EXOC6B: variants seen among roughly 807,000 people sequenced by gnomAD.
The protein encoded by EXOC6B is exocyst complex component 6B.
EXOC6B carries 54 observed loss-of-function variants against 113.5 expected under a neutral mutation model. The observed-to-expected ratio is 0.48, with a 90% confidence interval of 0.38 to 0.60. The LOEUF is 0.60. Ranked by LOEUF, EXOC6B falls within the 20% of genes least tolerant of loss-of-function variation. The probability of loss-of-function intolerance (pLI) is 0.00; values close to 1 mark genes in which losing one functional copy is unlikely to be tolerated. For missense variants in EXOC6B, 797 were observed against 977.5 expected, an observed-to-expected ratio of 0.82 and a Z score of 2.46; for synonymous variants, 357 against 339.0, an observed-to-expected ratio of 1.05 and a Z score of -0.58.
chr2:72,248,815 T>C lies in EXOC6B; in HGVS notation c.2197-64628A>G, dbSNP rs115441052. 4.6e-3 allele frequency among the ~76,000 whole-genome samples: 699 copies of C among 152,090 alleles called. 7 individuals carry two copies. The highest frequency in any genetic ancestry group is 0.016 in the African/African-American group (647 of 41,496). On this transcript the variant is annotated intron_variant, in intron 20 of 21. Transcript: ENST00000272427. ...AATATAAGACAAAACAGAAAAAGAA[T>C]AGATTAGAAAAATAGGAAAGAAAAA...
At chr2:72,470,461 G>C (rs1274856907) in intron 17 of EXOC6B, among the ~76,000 whole-genome samples, 1 of 151,760 alleles carries the variant, frequency 6.6e-6, no homozygotes, top group African/African-American at 2.4e-5. Flanking sequence ...TTGTTTTTCA[G>C]CTCTAAGAGT....
At chr2:72,815,019 T>C (rs1417333225) in intron 1 of EXOC6B, among the ~76,000 whole-genome samples, 1 of 152,130 alleles carries the variant, frequency 6.6e-6, no homozygotes, top group Non-Finnish European at 1.5e-5. Flanking sequence ...AAAATGGCTT[T>C]GTTTACTGAT....
chr2:72,825,901 C>G lies in EXOC6B; in HGVS notation c.10G>C (p.Gly4Arg). 1 of 1,612,962 alleles carries G rather than the reference C, an allele frequency of 6.2e-7. No homozygotes were observed. The highest frequency in any genetic ancestry group is 1.7e-5 in the Admixed American group (1 of 60,028). Reference protein sequence around the residue: MERGKMAEAESLET... With the variant: MERRKMAEAESLET... ...AGGCTCTCCGCCTCCGCCATCTTAC[C>G]CCGCTCCATAGACTGGGGGCGCCCC... Residue 4 changes from glycine to arginine, a missense_variant, in exon 1 of 22, where the codon GGT becomes CGT. Transcript: ENST00000272427. This position sits in a 1 kb window ranked among gnomAD's most constrained non-coding sequence, Gnocchi z 4.4.
chr2:72,233,830 GGT>G lies in EXOC6B; in HGVS notation c.2197-49645_2197-49644del, dbSNP rs1553469553. ...TGTCCCAAGAAGCACCCTACGGCAG[GGT>G]GTGTGCCCCTACCTACCCCCACCAC... On this transcript the variant is annotated intron_variant, in intron 20 of 21. Transcript: ENST00000272427. Among the ~76,000 whole-genome samples the G allele has an allele frequency of 2.0e-5, 3 of 152,274 alleles. No homozygotes were observed. The East Asian group carries it at 5.8e-4, about 30-fold the overall frequency.
intron 16 of EXOC6B, among the ~76,000 whole-genome samples, chr2:72,487,614 C>T (rs1183440931): frequency 1.3e-5 from 2 of 152,242 alleles, no homozygotes; most frequent in Non-Finnish European, 2.9e-5. Context: ...CCGCCTCAGC[C>T]TCCCAAAGTG....
chr2:72,392,563 A>G (rs1256246141), intron 18 of EXOC6B, among the ~76,000 whole-genome samples: 1 of 152,224 alleles, frequency 6.6e-6, no homozygotes, highest in African/African-American at 2.4e-5. Context: ...GGATCAGCTC[A>G]TGATCTGCTT....
chr2:72,534,077 A>C (rs1489185367), intron 8 of EXOC6B, among the ~76,000 whole-genome samples: 1 of 152,184 alleles, frequency 6.6e-6, no homozygotes, highest in African/African-American at 2.4e-5. Context: ...AGTGAGACTC[A>C]ATGAGATAAA....
At chr2:72,636,664 T>C (rs1329046734) in intron 6 of EXOC6B, among the ~76,000 whole-genome samples, 1 of 152,192 alleles carries the variant, frequency 6.6e-6, no homozygotes, top group Non-Finnish European at 1.5e-5. Flanking sequence ...CTCAGAATAC[T>C]AGAAATAGAG....
intron 8 of EXOC6B, among the ~76,000 whole-genome samples, chr2:72,534,278 C>G (rs1702163140): frequency 6.6e-6 from 1 of 152,060 alleles, no homozygotes; most frequent in Admixed American, 6.5e-5. Context: ...TTTGTACTTT[C>G]AAGAACTGCT....
chr2:72,199,879 G>A (rs537947310), intron 20 of EXOC6B, among the ~76,000 whole-genome samples: 6 of 152,018 alleles, frequency 3.9e-5, no homozygotes, highest in Admixed American at 6.6e-5. Flanking sequence ...ATATTCTTTC[G>A]GCTTTTGGGA....
chr2:72,233,776 G>A (rs1393628087), intron 20 of EXOC6B, among the ~76,000 whole-genome samples: 1 of 152,200 alleles, frequency 6.6e-6, no homozygotes, highest in East Asian at 1.9e-4. Flanking sequence ...GCTTCAGCAC[G>A]ACTTTGGCTG....
At chr2:72,316,278 G>T (rs969090406) in intron 20 of EXOC6B, among the ~76,000 whole-genome samples, 8 of 152,188 alleles carry the variant, frequency 5.3e-5, no homozygotes, top group African/African-American at 1.7e-4. Context: ...GAAGCAGTAA[G>T]AGTGATTTAT....
chr2:72,543,582 T>C (rs1052619266), intron 8 of EXOC6B, among the ~76,000 whole-genome samples: 2 of 152,154 alleles, frequency 1.3e-5, no homozygotes, highest in African/African-American at 4.8e-5. Context: ...CTAAATGATA[T>C]GTATGCCCAT....
At chr2:72,706,022 A>C (rs1244495743) in intron 6 of EXOC6B, among the ~76,000 whole-genome samples, 1 of 152,232 alleles carries the variant, frequency 6.6e-6, no homozygotes, top group Non-Finnish European at 1.5e-5. Flanking sequence ...TCATTGGGAT[A>C]GAAGAATAAA....
At chr2:72,464,823 A>G in intron 18 of EXOC6B, 1 of 280,588 alleles carries the variant, frequency 3.6e-6, no homozygotes, top group Non-Finnish European at 6.5e-6. Flanking sequence ...AGAATATTCT[A>G]AAACTAAAAT....
intron 8 of EXOC6B, among the ~76,000 whole-genome samples, chr2:72,524,117 G>A (rs1701640711): frequency 6.8e-6 from 1 of 147,976 alleles, no homozygotes; most frequent in African/African-American, 2.5e-5. Flanking sequence ...TAACTGTCAC[G>A]GCATCCAAGT....
At chr2:72,380,013 A>C in intron 18 of EXOC6B, 143 bp from the exon 19 acceptor site, 2 of 713,506 alleles carry the variant, frequency 2.8e-6, no homozygotes, top group Non-Finnish European at 4.2e-6. Context: ...CATTCAAATA[A>C]TCTTGGAATT....
rs373033030 is a variant in EXOC6B, at chr2:72,351,644, T to C, written c.2123-16624A>G. The stretch of plus-strand genomic sequence containing the variant: ...GTAATTTGTTTATCTGAAACTCACT[T>C]TTTCCCCTGAACTTCTAATTTAATC... On this transcript the variant is annotated intron_variant, in intron 19 of 21. Transcript: ENST00000272427. Among the ~76,000 whole-genome samples, 8 of 152,312 alleles carry C rather than the reference T, an allele frequency of 5.3e-5. No individual in the cohort carries two copies. In the South Asian group the frequency reaches 1.4e-3, roughly 28 times the overall value.
intron 20 of EXOC6B, among the ~76,000 whole-genome samples, chr2:72,266,572 C>T (rs1348565092): frequency 1.3e-4 from 19 of 151,764 alleles, no homozygotes; most frequent in African/African-American, 2.9e-4. Context: ...TGTAGATATG[C>T]GGTGTTATTT....
Sources: allele counts gnomAD v4.1 joint callset (sites outside exome capture counted in the v4.1 genomes callset), GRCh38; gene constraint gnomAD v4.1.1; non-coding constraint Gnocchi (gnomAD v3.1); transcripts MANE v1.5; gene names NCBI Gene and HGNC (gene_info 2026-07-23, HGNC 2026-07-21).